The following SYNE1 variants were observed in gnomAD, a reference collection of about 807,000 sequenced individuals.
SYNE1 encodes the protein spectrin repeat containing nuclear envelope protein 1.
Under a neutral mutation model 1,111.0 loss-of-function variants are expected in SYNE1, and 616 were observed. The observed-to-expected ratio is 0.55, with a 90% CI of 0.52 to 0.59. The LOEUF (loss-of-function observed/expected upper bound fraction) is 0.59. Among genes scored for constraint, SYNE1 ranks in the 20% least tolerant of loss-of-function variants. The pLI, the probability that SYNE1 is intolerant of heterozygous loss-of-function variation, is 0.00. For missense variants in SYNE1, 10,006 were observed against 10,417.0 expected (o/e 0.96, Z 1.72); for synonymous variants, 3,855 against 3,825.8 (o/e 1.01, Z -0.28).
intron 129 of SYNE1, among the ~76,000 whole-genome samples, chr6:152,177,500 C>A (rs78210483): frequency 6.6e-6 from 1 of 152,132 alleles, no homozygotes; most frequent in Non-Finnish European, 1.5e-5. Flanking sequence ...AACATTTTAA[C>A]CTTCTCTTGG....
chr6:152,307,014 T>C (rs2095402517), intron 91 of SYNE1, among the ~76,000 whole-genome samples: 1 of 152,048 alleles, frequency 6.6e-6, no homozygotes, highest in Admixed American at 6.6e-5. Context: ...TAAAAATATC[T>C]GTACCATGAT....
intron 104 of SYNE1, among the ~76,000 whole-genome samples, chr6:152,254,615 A>G (rs2090383809): frequency 6.6e-6 from 1 of 152,156 alleles, no homozygotes. Context: ...TTATAATTAT[A>G]ATGATCCATA....
chr6:152,249,141 G>A lies in SYNE1; in HGVS notation c.19572+20C>T. ...CTCCTCTATGCATTTTCTCTTCTAG[G>A]AAAAGGCAGCTATAAATACCTCTAT... On this transcript the variant is annotated intron_variant, in intron 105 of 145. Coordinates refer to ENST00000367255, the MANE Select transcript of SYNE1 (RefSeq NM_182961.4). 6.6e-7 allele frequency: 1 copy of A among 1,520,188 alleles called. No individual in the cohort carries two copies. Among genetic ancestry groups the A allele is most frequent in the Non-Finnish European group, 9.1e-7 (1 of 1,094,808 alleles). The allele number at this position is 1,520,188 out of a possible 1,614,324, so 94.2% of individuals were successfully genotyped here.
At chr6:152,332,034 C>A in intron 77 of SYNE1, 144 bp from the exon 78 acceptor site, 3 of 1,224,284 alleles carry the variant, frequency 2.5e-6, no homozygotes, top group Admixed American at 3.7e-5. Flanking sequence ...GCAATGAATG[C>A]TCTGATCTCA....
intron 10 of SYNE1, among the ~76,000 whole-genome samples, chr6:152,499,998 G>C (rs921397123): frequency 6.6e-6 from 1 of 152,104 alleles, no homozygotes; most frequent in Admixed American, 6.5e-5. Flanking sequence ...TCCTGCTCAT[G>C]AGCATTAACT....
At chr6:152,313,466 T>A (rs79224158) in intron 87 of SYNE1, among the ~76,000 whole-genome samples, 1 of 92,108 alleles carries the variant, frequency 1.1e-5, no homozygotes, top group East Asian at 2.2e-4. Flanking sequence ...TTTCTTTTCT[T>A]TTTTTTTTTT....
chr6:152,413,679 TG>T (rs2098107383), intron 41 of SYNE1, 148 bp from the exon 42 acceptor site: 4 of 827,228 alleles, frequency 4.8e-6, no homozygotes, highest in Non-Finnish European at 7.5e-6. Flanking sequence ...TGTTTATCAA[TG>T]GAAAAAGTAC....
chr6:152,286,778 A>G (rs1261971701), intron 95 of SYNE1, among the ~76,000 whole-genome samples: 1 of 152,248 alleles, frequency 6.6e-6, no homozygotes, highest in Non-Finnish European at 1.5e-5. Flanking sequence ...TAACGGGAAG[A>G]GACTTCCTTA....
At position 152,450,726 on chromosome 6, in the gene SYNE1, AG is replaced by A. The variant is rs1564112947; in HGVS notation, c.3293del (p.Pro1098LeufsTer6). The A allele has an allele frequency of 6.2e-7, 1 of 1,614,008 alleles. No homozygotes were observed. On this transcript the variant is annotated frameshift_variant, in exon 27 of 146. Coordinates refer to ENST00000367255, the MANE Select transcript of SYNE1 (RefSeq NM_182961.4). LOFTEE classifies it high-confidence loss of function. ...LPVRDPVRDT[P>X]GTCHVTLKEL... ...CTTTGAGAGTCACGTGACAGGTTCC[AG>A]GTGTGTCCCTTACTGGGTCCCGCAC...
rs758738841 is a variant in SYNE1 at position 152,224,532 on chromosome 6, A to G, written c.21484T>C (p.Ser7162Pro). The change falls in exon 117 of 146, where the codon TCC becomes CCC. Residue 7162 changes from serine (S) to proline (P), a missense_variant. Physicochemically the swap from Ser to Pro is moderately conservative, Grantham distance 74. Around this residue, in one of 7 missense-constraint regions of SYNE1, gnomAD observed 2,182 missense variants for 2,287.8 expected, o/e 0.95. Transcript: ENST00000367255. ...SLSRFRLLTG[S>P]LEAVQVQVDN... The stretch of plus-strand genomic sequence containing the variant: ...ACCTGAACTTGCACAGCTTCTAAGG[A>G]GCCAGTCAGCAGACGGAATCGGGAA... 11 of 1,613,970 alleles carry G rather than the reference A, an allele frequency of 6.8e-6. No individual in the cohort carries two copies. The highest frequency in any genetic ancestry group is 1.3e-5 in the African/African-American group (1 of 74,930).
chr6:152,622,110 T>A (rs7766225), intron 3 of SYNE1, among the ~76,000 whole-genome samples: 53,200 of 152,042 alleles, frequency 0.35, 10,731 homozygotes, highest in East Asian at 0.63. Context: ...CTGTTTTGTA[T>A]CATACTTAAA....
At chr6:152,162,615 T>C (rs2062758452) in intron 131 of SYNE1, among the ~76,000 whole-genome samples, 2 of 152,192 alleles carry the variant, frequency 1.3e-5, no homozygotes, top group Non-Finnish European at 2.9e-5. Context: ...CATCAGAATC[T>C]CAAACATCAC....
At chr6:152,179,965 G>A (rs1157812122) in intron 129 of SYNE1, among the ~76,000 whole-genome samples, 171 bp downstream of exon 129, 1 of 152,090 alleles carries the variant, frequency 6.6e-6, no homozygotes, top group Admixed American at 6.6e-5. Context: ...TTACAGGCGT[G>A]AGCCACTGCG....
intron 105 of SYNE1, among the ~76,000 whole-genome samples, chr6:152,246,450 C>T (rs373626939): frequency 2.6e-5 from 4 of 151,284 alleles, no homozygotes; most frequent in Non-Finnish European, 5.9e-5. Context: ...AAGTGAGCTC[C>T]GGGAAAATTA....
At chr6:152,440,161 C>T (rs930933776) in intron 32 of SYNE1, among the ~76,000 whole-genome samples, 2 of 152,156 alleles carry the variant, frequency 1.3e-5, no homozygotes, top group African/African-American at 4.8e-5. Flanking sequence ...TGCCACCCCA[C>T]CGCCCTTATT....
chr6:152,534,422 ATTAGAATGT>A (rs1442538419), intron 4 of SYNE1, among the ~76,000 whole-genome samples: 1 of 152,094 alleles, frequency 6.6e-6, no homozygotes, highest in African/African-American at 2.4e-5. Flanking sequence ...TAACTAATTT[ATTAGAATGT>A]TTAGGGTTGA....
At chr6:152,264,724 T>G (rs1333014512) in intron 100 of SYNE1, among the ~76,000 whole-genome samples, 1 of 152,100 alleles carries the variant, frequency 6.6e-6, no homozygotes, top group Non-Finnish European at 1.5e-5. Context: ...CATTTGAGCC[T>G]GGGAGTTCAA....
intron 137 of SYNE1, chr6:152,145,296 G>C (rs950457509): frequency 6.2e-6 from 4 of 645,388 alleles, no homozygotes; most frequent in Non-Finnish European, 1.1e-5. Flanking sequence ...ACTTTATTTC[G>C]CTCAATTAGT....
At chr6:152,619,966 A>G (rs561145012) in intron 3 of SYNE1, among the ~76,000 whole-genome samples, 8 of 152,322 alleles carry the variant, frequency 5.3e-5, no homozygotes, top group Admixed American at 1.3e-4. Flanking sequence ...GAGCATCTTG[A>G]ACCTCCTTGT....
Sources: gnomAD v4.1 joint callset for allele counts (sites outside exome capture counted in the v4.1 genomes callset) on GRCh38, gnomAD v4.1.1 for gene constraint, gnomAD v4.1.1 regional missense constraint, MANE v1.5 for transcripts, NCBI Gene and HGNC (gene_info 2026-07-23, HGNC 2026-07-21) for gene names.